The following ERC1 variants were observed in gnomAD, a reference collection of about 807,000 sequenced individuals.
ERC1 encodes RAB6 interacting protein 2.
A neutral mutation model predicts 132.0 loss-of-function variants in ERC1; 56 were observed. The ratio of observed to expected loss-of-function variants is 0.42; its 90% CI spans 0.34 to 0.53. ERC1 has a LOEUF of 0.53. Ranked by LOEUF, ERC1 falls within the 20% of genes least tolerant of loss-of-function variation. The pLI is 0.03. For missense variants in ERC1, 1,202 were observed against 1,349.9 expected (o/e 0.89, Z 1.72); for synonymous variants, 478 against 476.1 (o/e 1.00, Z -0.05).
intron 12 of ERC1, among the ~76,000 whole-genome samples, chr12:1,194,391 A>G (rs1339761068): frequency 6.6e-6 from 1 of 152,180 alleles, no homozygotes; most frequent in Non-Finnish European, 1.5e-5. Context: ...ATCGCCCTCC[A>G]GCCTGGGTGA....
chr12:1,037,031 A>G (rs759399729), intron 2 of ERC1, among the ~76,000 whole-genome samples: 27 of 152,234 alleles, frequency 1.8e-4, no homozygotes, highest in Non-Finnish European at 3.5e-4. Flanking sequence ...GGTCTTGATC[A>G]TAGGTGAAGG....
At chr12:1,061,019 G>A (rs972580699) in intron 2 of ERC1, among the ~76,000 whole-genome samples, 7 of 152,068 alleles carry the variant, frequency 4.6e-5, no homozygotes, top group Non-Finnish European at 8.8e-5. Flanking sequence ...GAGCCACCAC[G>A]CCTGGCCACA....
intron 11 of ERC1, among the ~76,000 whole-genome samples, chr12:1,185,731 G>GT (rs72127045): frequency 0.13 from 16,816 of 127,622 alleles, 1,074 homozygotes; most frequent in South Asian, 0.21. Flanking sequence ...ACTCTAGGTT[G>GT]TTTTTTTTTT....
chr12:990,836 C>A (rs1458436773), upstream of ERC1, among the ~76,000 whole-genome samples: 5 of 151,768 alleles, frequency 3.3e-5, no homozygotes, highest in African/African-American at 4.8e-5. Flanking sequence ...GCTCCTCGGG[C>A]TTCCAGCGTC....
chr12:1,440,453 T>TCG (rs2093098828), intron 17 of ERC1, among the ~76,000 whole-genome samples: 2 of 145,068 alleles, frequency 1.4e-5, no homozygotes, highest in Non-Finnish European at 3.0e-5. Flanking sequence ...TGATCTGCCC[T>TCG]CCTTGGCCTC....
At chr12:1,335,714 G>A (rs2083254898) in intron 15 of ERC1, among the ~76,000 whole-genome samples, 1 of 152,146 alleles carries the variant, frequency 6.6e-6, no homozygotes, top group South Asian at 2.1e-4. Flanking sequence ...GCCAGGTTTT[G>A]ATATCAGGAT....
rs1945061044 is a variant in ERC1, at chr12:1,104,737, C to T, written c.1087-13C>T. 1 of 1,602,640 alleles carries T rather than the reference C, an allele frequency of 6.2e-7. No individual in the cohort carries two copies. Among genetic ancestry groups the T allele is most frequent in the South Asian group, 1.1e-5 (1 of 90,832 alleles). On this transcript the variant is annotated splice_polypyrimidine_tract_variant and intron_variant, in intron 3 of 18. Coordinates refer to ENST00000360905, the MANE Select transcript of ERC1 (RefSeq NM_178040.4). ...AGGAGAGCACTGAATCTCTTTCTGCCTCTTTTCTACAGGAGATGCATCGAA... is the reference window on the plus strand; with the variant it reads ...AGGAGAGCACTGAATCTCTTTCTGCTTCTTTTCTACAGGAGATGCATCGAA...
Position 1,492,983 on chromosome 12 carries a change from C to T in ERC1, c.*2753C>T, listed in dbSNP as rs1341010931. The T allele has an allele frequency of 4.4e-6, 1 of 226,530 alleles. No homozygotes were observed. The highest frequency in any genetic ancestry group is 2.2e-5 in the African/African-American group (1 of 44,934). The allele number at this position is 226,530 out of a possible 1,614,324, so 14.0% of individuals were successfully genotyped here. A position where few individuals can be genotyped will look rare whatever the true frequency, so the allele number is the denominator to read the frequency against. The stretch of plus-strand genomic sequence containing the variant: ...GTTGCCCTTAATTTTCCCCAAACCC[C>T]TCCATCGGCAAGTCTAGTTGCCCTT... On this transcript the variant is annotated 3_prime_UTR_variant, in exon 19 of 19. Transcript: ENST00000360905.
chr12:1,020,547 A>C (rs1007954165), intron 1 of ERC1: 3 of 152,260 alleles, frequency 2.0e-5, no homozygotes, highest in African/African-American at 7.2e-5. Context: ...GTGAGGTTGC[A>C]GTCAAGATGT....
intron 1 of ERC1, among the ~76,000 whole-genome samples, chr12:1,021,677 C>A (rs1035906357): frequency 1.4e-4 from 20 of 146,748 alleles, no homozygotes; most frequent in African/African-American, 3.8e-4. Flanking sequence ...CCAGCCTGGG[C>A]GACAGAACAA....
At chr12:1,480,188 G>A (rs546622427) in intron 18 of ERC1, among the ~76,000 whole-genome samples, 9 of 152,106 alleles carry the variant, frequency 5.9e-5, no homozygotes, top group African/African-American at 2.2e-4. Flanking sequence ...CTAAGGTGCT[G>A]AGATATGAGA....
At chr12:1,424,856 A>AGATAGATC (rs142801785) in intron 17 of ERC1, among the ~76,000 whole-genome samples, 1 of 113,042 alleles carries the variant, frequency 8.8e-6, no homozygotes, top group Admixed American at 8.9e-5. Flanking sequence ...ATAGATAGAT[A>AGATAGATC]GATAGATCGA....
intron 14 of ERC1, among the ~76,000 whole-genome samples, chr12:1,272,860 A>G (rs1566450151): frequency 6.7e-6 from 1 of 148,742 alleles, no homozygotes; most frequent in Non-Finnish European, 1.5e-5. Context: ...AAGCAGGAGA[A>G]TTGCTTGAAC....
chr12:1,142,036 T>C (rs1949904458), intron 8 of ERC1, among the ~76,000 whole-genome samples: 1 of 152,206 alleles, frequency 6.6e-6, no homozygotes, highest in Admixed American at 6.5e-5. Flanking sequence ...AAAAGTGCCT[T>C]GTAAATTGCC....
chr12:1,484,147 T>C (rs1296474594), intron 18 of ERC1, among the ~76,000 whole-genome samples: 6 of 151,606 alleles, frequency 4.0e-5, no homozygotes, highest in African/African-American at 1.5e-4. Context: ...CTACTAAAAA[T>C]ACAAAAAATT....
chr12:1,349,695 C>T (rs1490183830), intron 15 of ERC1, among the ~76,000 whole-genome samples: 1 of 151,260 alleles, frequency 6.6e-6, no homozygotes, highest in African/African-American at 2.4e-5. Context: ...TTTTTGATAC[C>T]TTGGAATGTG....
At chr12:1,217,293 C>CAT (rs1958518109) in intron 12 of ERC1, among the ~76,000 whole-genome samples, 1 of 152,210 alleles carries the variant, frequency 6.6e-6, no homozygotes, top group African/African-American at 2.4e-5. Context: ...AGCATTGTGT[C>CAT]ATATCCTTGG....
intron 7 of ERC1, among the ~76,000 whole-genome samples, chr12:1,136,818 C>A (rs1443230201): frequency 6.6e-6 from 1 of 151,776 alleles, no homozygotes; most frequent in African/African-American, 2.4e-5. Context: ...GATATCCATG[C>A]ATTTCTCTCT....
chr12:1,350,426 T>C (rs2154366291), intron 15 of ERC1, among the ~76,000 whole-genome samples: 1 of 152,322 alleles, frequency 6.6e-6, no homozygotes, highest in South Asian at 2.1e-4. Context: ...TCCTAGGGGA[T>C]GGTACTTCTG....
Sources: gnomAD v4.1 joint callset for allele counts (sites outside exome capture counted in the v4.1 genomes callset) on GRCh38, gnomAD v4.1.1 for gene constraint, MANE v1.5 for transcripts, NCBI Gene and HGNC (gene_info 2026-07-23, HGNC 2026-07-21) for gene names.